The following KIAA1549 variants were observed in gnomAD, a reference collection of about 807,000 sequenced individuals.
KIAA1549 encodes the protein UPF0606 protein KIAA1549.
Under a neutral mutation model 156.4 loss-of-function variants are expected in KIAA1549, and 70 were observed. The observed-to-expected ratio is 0.45, with a 90% CI of 0.37 to 0.55. The LOEUF is 0.55. Ranked by LOEUF, KIAA1549 falls within the 20% of genes least tolerant of loss-of-function variation. KIAA1549 has a pLI of 0.00. For synonymous variants in KIAA1549, 1,103 were observed against 1,066.4 expected (o/e 1.03, Z -0.67); for missense variants, 2,428 against 2,540.9 (o/e 0.96, Z 0.96).
At chr7:138,951,169 G>A (rs73730548) in intron 1 of KIAA1549, among the ~76,000 whole-genome samples, 5,592 of 152,106 alleles carry the variant, frequency 0.037, 332 homozygotes, top group African/African-American at 0.13. Flanking sequence ...CAGGTCAAGC[G>A]ATTCTCCTGC....
chr7:138,976,026 CA>C (rs1312349185), intron 1 of KIAA1549, among the ~76,000 whole-genome samples: 1 of 152,174 alleles, frequency 6.6e-6, no homozygotes, highest in African/African-American at 2.4e-5. Context: ...CAAACAAAAC[CA>C]AGCAAAAACA....
In KIAA1549 at chr7:138,945,785, G is replaced by A. The variant is rs557507894; in HGVS notation, c.188-26347C>T. Among the ~76,000 whole-genome samples the A allele has an allele frequency of 3.7e-4, 57 of 152,132 alleles. 1 individual carries two copies. In the South Asian group the frequency reaches 1.0e-2, roughly 27 times the overall value. ...AAAGATTGGTTTCTTTTCACGGCTC[G>A]GCATAGTGGCTCACGCCTGTAATCC... is the stretch of plus-strand genomic sequence containing the variant. On this transcript the variant is annotated intron_variant, in intron 1 of 19. Transcript: ENST00000422774.
chr7:138,943,536 C>A (rs1813245964), intron 1 of KIAA1549, among the ~76,000 whole-genome samples: 1 of 152,160 alleles, frequency 6.6e-6, no homozygotes, highest in Admixed American at 6.5e-5. Flanking sequence ...TGTGGCATGG[C>A]TAAATCAAGC....
In KIAA1549 at chr7:138,844,477, G is replaced by C. The variant is rs770117955; in HGVS notation, c.5295-3C>G. ...GCAAACCGGGGCCAAAACCTGGTCT[G>C]AAGGCAAAGCAAACCAGCACATCAG... On this transcript the variant is annotated splice_polypyrimidine_tract_variant and splice_region_variant and intron_variant, in intron 17 of 19. Transcript: ENST00000422774. The C allele has an allele frequency of 6.6e-7, 1 of 1,525,376 alleles. No homozygotes were observed. The allele number at this position is 1,525,376 out of a possible 1,614,324, so 94.5% of individuals were successfully genotyped here. A position where few individuals can be genotyped will look rare whatever the true frequency, so the allele number is the denominator to read the frequency against.
chr7:138,906,822 C>G, intron 6 of KIAA1549, 97 bp downstream of exon 6: 4 of 918,890 alleles, frequency 4.4e-6, no homozygotes, highest in Non-Finnish European at 4.7e-6. Context: ...TTTAAAAAAT[C>G]AAGTCTTTTA....
At chr7:138,865,351 G>A (rs76704566) in intron 15 of KIAA1549, among the ~76,000 whole-genome samples, 13,290 of 152,008 alleles carry the variant, frequency 0.087, 722 homozygotes, top group East Asian at 0.22. Flanking sequence ...AGAACACACC[G>A]CTCAAGGAGA....
intron 16 of KIAA1549, among the ~76,000 whole-genome samples, chr7:138,852,851 T>C (rs1046839363): frequency 6.6e-6 from 1 of 152,254 alleles, no homozygotes; most frequent in African/African-American, 2.4e-5. Context: ...GACCGTTTAC[T>C]GGTCCCCAGG....
chr7:138,862,326 C>T (rs1810609541), intron 15 of KIAA1549, among the ~76,000 whole-genome samples: 1 of 151,620 alleles, frequency 6.6e-6, no homozygotes, highest in African/African-American at 2.4e-5. Context: ...ATAGCAAGAC[C>T]CCCATCTTTA....
chr7:138,935,126 T>G (rs966949006), intron 1 of KIAA1549, among the ~76,000 whole-genome samples: 1 of 152,186 alleles, frequency 6.6e-6, no homozygotes, highest in East Asian at 1.9e-4. Context: ...AGAGAACTCA[T>G]GTGGAACTTC....
intron 10 of KIAA1549, among the ~76,000 whole-genome samples, chr7:138,885,616 T>C (rs1434146368): frequency 6.6e-6 from 1 of 152,198 alleles, no homozygotes; most frequent in Non-Finnish European, 1.5e-5. Flanking sequence ...TCTGACCGCC[T>C]TGGGCCATTT....
chr7:138,947,859 C>T (rs1190097432), intron 1 of KIAA1549, among the ~76,000 whole-genome samples: 1 of 151,914 alleles, frequency 6.6e-6, no homozygotes, highest in East Asian at 1.9e-4. Flanking sequence ...GCCTCCTGGG[C>T]TCAAGCAATC....
At chr7:138,914,442 G>A (rs1238426793) in intron 2 of KIAA1549, among the ~76,000 whole-genome samples, 6 of 152,194 alleles carry the variant, frequency 3.9e-5, no homozygotes, top group African/African-American at 1.4e-4. Flanking sequence ...TGCCTCCCAG[G>A]GCGCGTGCAG....
Position 138,911,177 on chromosome 7 carries a change from A to T in KIAA1549, c.3114T>A (p.Leu1038=). Reference sequence around the variant, plus strand: ...GAACTTGGAACCTGGACTCTGGCACAAGGAAAGAAGGTTTCACAGACAGGA... The same window carrying T: ...GAACTTGGAACCTGGACTCTGGCACTAGGAAAGAAGGTTTCACAGACAGGA... The part of the protein sequence containing the change: ...PLILSVKPSF[L]VPESRFQVQT... Residue 1038 remains leucine, a synonymous_variant, in exon 4 of 20, where the codon CTT becomes CTA. Coordinates refer to ENST00000422774, the MANE Select transcript of KIAA1549 (RefSeq NM_001164665.2). 6.3e-7 allele frequency: 1 copy of T among 1,598,822 alleles called. No individual in the cohort carries two copies.
At chr7:138,880,071 C>T (rs1811199641) in intron 11 of KIAA1549, among the ~76,000 whole-genome samples, 1 of 152,192 alleles carries the variant, frequency 6.6e-6, no homozygotes, top group South Asian at 2.1e-4. Context: ...AGTAGCTATG[C>T]AGTCACCCCA....
intron 16 of KIAA1549, among the ~76,000 whole-genome samples, chr7:138,855,123 C>T (rs1456886131): frequency 6.6e-6 from 1 of 152,072 alleles, no homozygotes; most frequent in Admixed American, 6.6e-5. Context: ...GAGGGGGAAT[C>T]AGGAAAAGCC....
chr7:138,897,892 CAAAAAAAAAAAAAAAAAAAA>C (rs59242488), intron 9 of KIAA1549, among the ~76,000 whole-genome samples: 1 of 27,478 alleles, frequency 3.6e-5, no homozygotes, highest in Admixed American at 7.3e-4. Context: ...GACCCTTTCT[CAAAAAAAAAAAAAAAAAAAA>C]AAAAAAAAAA....
At chr7:138,847,134 C>T (rs1290756768) in intron 17 of KIAA1549, among the ~76,000 whole-genome samples, 1 of 152,232 alleles carries the variant, frequency 6.6e-6, no homozygotes, top group Non-Finnish European at 1.5e-5. Context: ...TTTCCCCCAC[C>T]TTTTGCCAAC....
At position 138,981,030 on chromosome 7, in the gene KIAA1549, G is replaced by A. The variant is rs1044643533; in HGVS notation, c.187+53C>T. On this transcript the variant is annotated intron_variant, in intron 1 of 19. Coordinates refer to ENST00000422774, the MANE Select transcript of KIAA1549 (RefSeq NM_001164665.2). The surrounding 1 kb of genome is among the most constrained non-coding windows in gnomAD (Gnocchi z 4.5). ...AAGCCGGGGTTTTGAAAACAGCAGC[G>A]ATAAAGGCAGGCGGGGTCGCGGCCG... The A allele has an allele frequency of 2.4e-5, 29 of 1,206,870 alleles. No individual in the cohort carries two copies. The African/African-American group carries it at 3.2e-4, about 13-fold the overall frequency. The allele number at this position is 1,206,870 out of a possible 1,614,324, so 74.8% of individuals were successfully genotyped here.
At chr7:138,925,875 A>ATC (rs1812702330) in intron 1 of KIAA1549, among the ~76,000 whole-genome samples, 1 of 144,238 alleles carries the variant, frequency 6.9e-6, no homozygotes, top group South Asian at 2.4e-4. Context: ...AAACTATGTT[A>ATC]GAGTACAATT....
Sources: allele counts gnomAD v4.1 joint callset (sites outside exome capture counted in the v4.1 genomes callset), GRCh38; gene constraint gnomAD v4.1.1; non-coding constraint Gnocchi (gnomAD v3.1); transcripts MANE v1.5; gene names NCBI Gene and HGNC (gene_info 2026-07-23, HGNC 2026-07-21).